ORC3: variants seen among roughly 807,000 people sequenced by gnomAD.
ORC3 encodes the protein origin recognition complex subunit 3.
A neutral mutation model predicts 100.7 loss-of-function variants in ORC3; 78 were observed. The observed-to-expected ratio is 0.77, with a 90% CI of 0.65 to 0.94. The LOEUF (loss-of-function observed/expected upper bound fraction) is 0.94, where lower values mean the gene tolerates loss of function less well. Ranked by LOEUF, ORC3 falls within the 40% of genes least tolerant of loss-of-function variation. The pLI, the probability that ORC3 is intolerant of heterozygous loss-of-function variation, is 0.00. For missense variants in ORC3, 789 were observed against 823.9 expected (o/e 0.96, Z 0.52); for synonymous variants, 295 against 289.3 (o/e 1.02, Z -0.20).
chr6:87,663,293 G>C, intron 17 of ORC3, 149 bp downstream of exon 17: 1 of 579,128 alleles, frequency 1.7e-6, no homozygotes, highest in Non-Finnish European at 2.9e-6. Context: ...AAATTCTTTA[G>C]ACTGTAGAAA....
intron 2 of ORC3, among the ~76,000 whole-genome samples, chr6:87,600,868 T>C (rs959467871): frequency 3.3e-5 from 5 of 152,254 alleles, no homozygotes; most frequent in Non-Finnish European, 5.9e-5. Flanking sequence ...TTTGTGACTT[T>C]AGTTTTTGTT....
chr6:87,590,775 T>C (rs1776788810), intron 1 of ORC3, among the ~76,000 whole-genome samples: 1 of 152,190 alleles, frequency 6.6e-6, no homozygotes, highest in Non-Finnish European at 1.5e-5. Context: ...AGCATGTTTC[T>C]TCGGCCCAGA....
chr6:87,657,040 G>C (rs770245657), intron 15 of ORC3, 58 bp downstream of exon 15: 1 of 1,150,306 alleles, frequency 8.7e-7, no homozygotes, highest in Non-Finnish European at 1.3e-6. Flanking sequence ...TTTTCAGTTT[G>C]TGCTCTAGAT....
At position 87,642,640 on chromosome 6, in the gene ORC3, C is replaced by T. The variant is rs190623194; in HGVS notation, c.1382+6154C>T. 3.8e-4 allele frequency among the ~76,000 whole-genome samples: 58 copies of T among 152,016 alleles called. No individual in the cohort carries two copies. The East Asian group carries it at 0.01, about 26-fold the overall frequency. The stretch of plus-strand genomic sequence containing the variant: ...ATAAATGGCCGGGTGTGGTGGCTCA[C>T]GCCTGTAATCCCAGCACTTTGGGAG... On this transcript the variant is annotated intron_variant, in intron 13 of 19. Transcript: ENST00000392844.
At chr6:87,647,483 A>C (rs113493060) in intron 13 of ORC3, among the ~76,000 whole-genome samples, 1,833 of 152,294 alleles carry the variant, frequency 0.012, 37 homozygotes, top group African/African-American at 0.04. Flanking sequence ...CCATTTAAAA[A>C]TTGAAAGCTT....
intron 11 of ORC3, among the ~76,000 whole-genome samples, chr6:87,629,430 G>A (rs1411680477): frequency 6.6e-6 from 1 of 152,136 alleles, no homozygotes; most frequent in Admixed American, 6.6e-5. Flanking sequence ...TAAATGCATG[G>A]CAAATGTAAT....
the ORC3 span, among the ~76,000 whole-genome samples, chr6:87,673,154 ATTTTT>A: frequency 4.1e-4 from 27 of 65,864 alleles, no homozygotes; most frequent in African/African-American, 1.1e-3. Flanking sequence ...AAAAAAAAAA[ATTTTT>A]TTTTTTTTTT....
At position 87,609,206 on chromosome 6, in the gene ORC3, A is replaced by G. The variant is rs1778567126; in HGVS notation, c.690A>G (p.Leu230=). Residue 230 remains leucine, a synonymous_variant, in exon 7 of 20, where the codon CTA becomes CTG. Coordinates refer to ENST00000392844, the MANE Select transcript of ORC3 (RefSeq NM_012381.4). ...KDMESFATKV[L]QDFIIISSQH... ...TGGAAAGCTTTGCCACAAAAGTACT[A>G]CAAGACTTCATAATTATCAGCAGGT... 2 of 1,600,500 alleles carry G rather than the reference A, an allele frequency of 1.2e-6. No homozygotes were observed. Among genetic ancestry groups the G allele is most frequent in the South Asian group, 1.1e-5 (1 of 88,190 alleles).
chr6:87,651,856 GC>G (rs1342037885), intron 13 of ORC3, among the ~76,000 whole-genome samples: 1 of 151,552 alleles, frequency 6.6e-6, no homozygotes, highest in Non-Finnish European at 1.5e-5. Flanking sequence ...ATTACAAAAT[GC>G]CCACATTCTG....
At chr6:87,632,332 A>T (rs1767489733) in intron 11 of ORC3, among the ~76,000 whole-genome samples, 1 of 152,244 alleles carries the variant, frequency 6.6e-6, no homozygotes, top group African/African-American at 2.4e-5. Flanking sequence ...ATAACAATGA[A>T]ATCTTTATTA....
intron 6 of ORC3, among the ~76,000 whole-genome samples, chr6:87,608,489 A>G (rs146965529): frequency 1.7e-3 from 264 of 152,278 alleles, no homozygotes; most frequent in Non-Finnish European, 2.8e-3. Flanking sequence ...TCCAATCAAC[A>G]TTTTTGCTGA....
At position 87,621,988 on chromosome 6, in the gene ORC3, T is replaced by C. The variant is rs1191471227; in HGVS notation, c.1160T>C (p.Leu387Pro). The change falls in exon 11 of 20, where the codon CTC becomes CCC. Residue 387 changes from leucine (L) to proline (P), a missense_variant. By Grantham distance (98) the Leu-to-Pro change is moderately conservative. Around this residue, in one of 3 missense-constraint regions of ORC3, gnomAD observed 366 missense variants for 394.2 expected, o/e 0.93. Transcript: ENST00000392844. ...CAAGCTTCAGAAAAGCAAGTTGCGC[T>C]CTTGACCAATGAGAGATATTTGAAG... ...EKQASEKQVALLTNERYLKEE... is the reference protein window; with the variant it reads ...EKQASEKQVAPLTNERYLKEE... The C allele has an allele frequency of 1.2e-5, 20 of 1,609,226 alleles. 1 individual carries two copies. The South Asian group carries it at 2.2e-4, about 18-fold the overall frequency.
rs769078847 is a variant in ORC3, at chr6:87,603,541, A to G, written c.322+13A>G. 3 of 1,447,168 alleles carry G rather than the reference A, an allele frequency of 2.1e-6. No individual in the cohort carries two copies. Among genetic ancestry groups the G allele is most frequent in the Admixed American group, 1.9e-5 (1 of 52,492 alleles). The allele number at this position is 1,447,168 out of a possible 1,614,324, so 89.6% of individuals were successfully genotyped here. On this transcript the variant is annotated intron_variant, in intron 4 of 19. Coordinates refer to ENST00000392844, the MANE Select transcript of ORC3 (RefSeq NM_012381.4). ...GCTCTTGTTCTTGGTATATATGCGT[A>G]TGTTTGTTCATGCATGCATCTCTGT... is the stretch of plus-strand genomic sequence containing the variant.
downstream of ORC3, among the ~76,000 whole-genome samples, chr6:87,670,703 G>A (rs1444528842): frequency 1.3e-5 from 2 of 152,114 alleles, no homozygotes; most frequent in Admixed American, 6.6e-5. Flanking sequence ...ACCCTGAATC[G>A]AAGTAGGGTG....
chr6:87,644,422 A>G (rs1411071049), intron 13 of ORC3, among the ~76,000 whole-genome samples: 1 of 151,608 alleles, frequency 6.6e-6, no homozygotes, highest in African/African-American at 2.4e-5. Flanking sequence ...AATTACATCA[A>G]TAGGCCAGGC....
intron 2 of ORC3, among the ~76,000 whole-genome samples, chr6:87,599,231 A>C (rs1394440956): frequency 6.6e-6 from 1 of 152,220 alleles, no homozygotes; most frequent in Non-Finnish European, 1.5e-5. Context: ...ATTATTCTGC[A>C]CATAAAAATT....
At chr6:87,665,452 G>GA (rs2128296718) in intron 18 of ORC3, among the ~76,000 whole-genome samples, 1 of 152,266 alleles carries the variant, frequency 6.6e-6, no homozygotes, top group East Asian at 1.9e-4. Context: ...AAGAAAAATA[G>GA]ATATTTTCCT....
At chr6:87,619,068 T>C (rs1049100809) in intron 9 of ORC3, among the ~76,000 whole-genome samples, 2 of 152,106 alleles carry the variant, frequency 1.3e-5, no homozygotes, top group African/African-American at 4.8e-5. Context: ...GGATGAAATG[T>C]CAGCTAGAGG....
intron 11 of ORC3, among the ~76,000 whole-genome samples, chr6:87,633,655 A>G (rs1203878150): frequency 1.3e-5 from 2 of 152,150 alleles, no homozygotes; most frequent in African/African-American, 4.8e-5. Context: ...TATATGGCTG[A>G]CCACTAAAAA....
Sources: gnomAD v4.1 joint callset for allele counts (sites outside exome capture counted in the v4.1 genomes callset) on GRCh38, gnomAD v4.1.1 for gene constraint, gnomAD v4.1.1 regional missense constraint, MANE v1.5 for transcripts, NCBI Gene and HGNC (gene_info 2026-07-23, HGNC 2026-07-21) for gene names.